The following INTS13 variants were observed in gnomAD, a reference collection of about 807,000 sequenced individuals.
The protein encoded by INTS13 is asunder, spermatogenesis regulator homolog (Drosphila).
Under a neutral mutation model 90.2 loss-of-function variants are expected in INTS13, and 35 were observed. That is an observed-to-expected ratio of 0.39 (90% confidence interval 0.30 to 0.51). INTS13 has a LOEUF of 0.51. Among genes scored for constraint, INTS13 ranks in the 20% least tolerant of loss-of-function variants. INTS13 has a pLI of 0.80. For synonymous variants in INTS13, 309 were observed against 277.1 expected (o/e 1.11, Z -1.14); for missense variants, 601 against 851.2 (o/e 0.71, Z 3.66).
At chr12:26,912,883 A>G (rs759247228) in intron 14 of INTS13, among the ~76,000 whole-genome samples, 3 of 151,990 alleles carry the variant, frequency 2.0e-5, no homozygotes, top group Non-Finnish European at 4.4e-5. Flanking sequence ...ATGCACCCCC[A>G]TACCCAGCTG....
At chr12:26,912,741 T>A (rs1472482347) in intron 14 of INTS13, among the ~76,000 whole-genome samples, 1 of 152,060 alleles carries the variant, frequency 6.6e-6, no homozygotes, top group Non-Finnish European at 1.5e-5. Flanking sequence ...CTTTTTTTTT[T>A]TTTTGAGACA....
Position 26,905,241 on chromosome 12 carries a change from A to T in INTS13, c.*256T>A. 2.9e-6 allele frequency: 1 copy of T among 339,444 alleles called. No individual in the cohort carries two copies. Among genetic ancestry groups the T allele is most frequent in the Non-Finnish European group, 5.3e-6 (1 of 190,314 alleles). The allele number at this position is 339,444 out of a possible 1,614,324, so 21.0% of individuals were successfully genotyped here. A position where few individuals can be genotyped will look rare whatever the true frequency, so the allele number is the denominator to read the frequency against. ...CAAAGAGAAGCCTAAGAATTTTTTT[A>T]AAAACATTTCCAGAGAGAACACTTT... On this transcript the variant is annotated 3_prime_UTR_variant, in exon 17 of 17. Transcript: ENST00000261191.
chr12:26,922,703 T>G lies in INTS13; in HGVS notation c.805-3A>C, dbSNP rs1937651577. 2 of 1,539,898 alleles carry G rather than the reference T, an allele frequency of 1.3e-6. No individual in the cohort carries two copies. Among genetic ancestry groups the G allele is most frequent in the Non-Finnish European group, 1.7e-6 (2 of 1,143,516 alleles). ...GATGTGTTAGCATGCTGTTCTTCCTTGAAGTAAAATTTCAAACATTTTAAA... is the reference window on the plus strand; with the variant it reads ...GATGTGTTAGCATGCTGTTCTTCCTGGAAGTAAAATTTCAAACATTTTAAA... On this transcript the variant is annotated splice_polypyrimidine_tract_variant and splice_region_variant and intron_variant, in intron 7 of 16. Transcript: ENST00000261191.
chr12:26,933,587 T>C (rs1262476233), intron 3 of INTS13, among the ~76,000 whole-genome samples: 1 of 151,702 alleles, frequency 6.6e-6, no homozygotes, highest in Non-Finnish European at 1.5e-5. Flanking sequence ...AACCCGGAGG[T>C]TATGTTCTAC....
intron 3 of INTS13, among the ~76,000 whole-genome samples, chr12:26,934,068 G>A (rs547661554): frequency 6.6e-6 from 1 of 152,302 alleles, no homozygotes; most frequent in East Asian, 1.9e-4. Flanking sequence ...AAGGTCAGAA[G>A]TTCAAGACCA....
Position 26,936,684 on chromosome 12 carries a change from T to A in INTS13, c.120A>T (p.Gly40=). The change falls in exon 2 of 17, where the codon GGA becomes GGT. Residue 40 remains glycine, a synonymous_variant. Transcript: ENST00000261191. The stretch of plus-strand genomic sequence containing the variant: ...TAGATATGGGGGCCAAAGGAATGAT[T>A]CCTTGGGTTCTATTCTTCACCAGCA... ...FDMLVKNRTQ[G]IIPLAPISKS... The A allele has an allele frequency of 6.2e-7, 1 of 1,613,910 alleles. No homozygotes were observed. The highest frequency in any genetic ancestry group is 2.2e-5 in the East Asian group (1 of 44,868).
chr12:26,935,295 T>C (rs1472193105), intron 2 of INTS13, among the ~76,000 whole-genome samples: 2 of 152,236 alleles, frequency 1.3e-5, no homozygotes, highest in East Asian at 3.8e-4. Flanking sequence ...ACAAAGAACA[T>C]TTTGGAAAAC....
Position 26,924,409 on chromosome 12 carries a change from T to C in INTS13, c.750A>G (p.Leu250=). 2 of 1,613,480 alleles carry C rather than the reference T, an allele frequency of 1.2e-6. No homozygotes were observed. The highest frequency in any genetic ancestry group is 1.7e-6 in the Non-Finnish European group (2 of 1,179,554). The change falls in exon 7 of 17, where the codon TTA becomes TTG. Residue 250 remains leucine (L), a synonymous_variant. Coordinates refer to ENST00000261191, the MANE Select transcript of INTS13 (RefSeq NM_018164.3). ...GRHLATKLNI[L]VQQHFDLAST... Reference sequence around the variant, plus strand: ...AAGCCAAGTCAAAATGTTGCTGTACTAAAATATTCAATTTGGTAGCAAGAT... The same window carrying C: ...AAGCCAAGTCAAAATGTTGCTGTACCAAAATATTCAATTTGGTAGCAAGAT...
intron 14 of INTS13, 92 bp from the exon 15 acceptor site, chr12:26,911,409 T>A: frequency 9.0e-7 from 1 of 1,110,656 alleles, no homozygotes; most frequent in Non-Finnish European, 1.2e-6. Context: ...TCAACCTTTA[T>A]AAAAGATGGC....
intron 5 of INTS13, among the ~76,000 whole-genome samples, chr12:26,927,871 C>T (rs1937970379): frequency 6.6e-6 from 1 of 152,104 alleles, no homozygotes; most frequent in African/African-American, 2.4e-5. Flanking sequence ...CCACTTCGGC[C>T]CCGCAAAGTG....
chr12:26,908,562 T>C (rs543343267), intron 15 of INTS13, among the ~76,000 whole-genome samples: 1 of 151,782 alleles, frequency 6.6e-6, no homozygotes, highest in Non-Finnish European at 1.5e-5. Context: ...TACTGCATCA[T>C]ACAAAGAGAG....
chr12:26,932,298 G>C (rs944874990), intron 3 of INTS13, among the ~76,000 whole-genome samples: 2 of 152,262 alleles, frequency 1.3e-5, no homozygotes, highest in African/African-American at 2.4e-5. Context: ...TCCAGGAGAA[G>C]TTCAGAACTG....
At chr12:26,935,114 G>A (rs986199787) in intron 2 of INTS13, among the ~76,000 whole-genome samples, 1 of 152,110 alleles carries the variant, frequency 6.6e-6, no homozygotes, top group Non-Finnish European at 1.5e-5. Flanking sequence ...CCCTGGAAAG[G>A]GTGAAAGTCA....
chr12:26,934,561 G>A lies in INTS13; in HGVS notation c.295C>T (p.Gln99Ter). The A allele has an allele frequency of 6.2e-7, 1 of 1,608,628 alleles. No homozygotes were observed. The highest frequency in any genetic ancestry group is 1.1e-5 in the South Asian group (1 of 90,906). Residue 99 changes from glutamine (Q) to a stop codon, truncating the protein, a stop_gained, in exon 3 of 17, where the codon CAG (glutamine) becomes TAG (stop). Coordinates refer to ENST00000261191, the MANE Select transcript of INTS13 (RefSeq NM_018164.3). LOFTEE classifies it high-confidence loss of function. ...NSWTQEDQNL[Q>*]ELMAALAAVG... Reference sequence around the variant, plus strand: ...AGCTCAAAATCTAACCATACCTCCTGTAAATTTTGGTCTTCTTGAGTCCAA... The same window carrying A: ...AGCTCAAAATCTAACCATACCTCCTATAAATTTTGGTCTTCTTGAGTCCAA...
At chr12:26,920,589 C>T (rs141368477) in intron 8 of INTS13, among the ~76,000 whole-genome samples, 1,573 of 152,058 alleles carry the variant, frequency 0.01, 18 homozygotes, top group African/African-American at 0.036. Context: ...CTAGTAGAGA[C>T]GGGGTTTCAC....
intron 8 of INTS13, among the ~76,000 whole-genome samples, chr12:26,918,462 C>T (rs542385351): frequency 6.6e-5 from 10 of 152,336 alleles, no homozygotes; most frequent in Admixed American, 2.6e-4. Context: ...TTTTCCTCCA[C>T]ATTCATCATT....
intron 8 of INTS13, 82 bp from the exon 9 acceptor site, chr12:26,917,815 T>C: frequency 9.7e-7 from 1 of 1,033,402 alleles, no homozygotes; most frequent in South Asian, 1.4e-5. Flanking sequence ...TGTACAATTA[T>C]GTTTTAATTT....
At position 26,936,554 on chromosome 12, in the gene INTS13, G is replaced by A. The variant is rs774872517; in HGVS notation, c.225+25C>T. ...CAGTTAAGTACATCCCCAAAATCAT[G>A]ATTTTGTTTGTACTTCACACTCACC... On this transcript the variant is annotated intron_variant, in intron 2 of 16. Coordinates refer to ENST00000261191, the MANE Select transcript of INTS13 (RefSeq NM_018164.3). The A allele has an allele frequency of 9.2e-6, 14 of 1,520,988 alleles. No individual in the cohort carries two copies. The African/African-American group carries it at 1.8e-4, about 19-fold the overall frequency. 94.2% of individuals were successfully genotyped at this position (1,520,988 alleles called of 1,614,324 possible). A position where few individuals can be genotyped will look rare whatever the true frequency, so the allele number is the denominator to read the frequency against.
chr12:26,907,124 C>A (rs1951634530), intron 15 of INTS13, among the ~76,000 whole-genome samples: 1 of 152,142 alleles, frequency 6.6e-6, no homozygotes. Flanking sequence ...CTCTTTCCTG[C>A]ACAATATGAT....
Sources: gnomAD v4.1 joint callset for allele counts (sites outside exome capture counted in the v4.1 genomes callset) on GRCh38, gnomAD v4.1.1 for gene constraint, MANE v1.5 for transcripts, NCBI Gene and HGNC (gene_info 2026-07-23, HGNC 2026-07-21) for gene names.